The following TMEM245 variants were observed in gnomAD, a reference collection of about 807,000 sequenced individuals.
TMEM245 encodes protein CG-2.
TMEM245 carries 69 observed loss-of-function variants against 101.2 expected under a neutral mutation model. That is an observed-to-expected ratio of 0.68 (90% CI 0.56 to 0.83). The LOEUF (loss-of-function observed/expected upper bound fraction) is 0.83, where lower values mean the gene tolerates loss of function less well. Ranked by LOEUF, TMEM245 falls within the 40% of genes least tolerant of loss-of-function variation. The probability of loss-of-function intolerance (pLI) is 0.00; values close to 1 mark genes in which losing one functional copy is unlikely to be tolerated. For missense variants in TMEM245, 1,075 were observed against 1,092.8 expected, an observed-to-expected ratio of 0.98 and a Z score of 0.23; for synonymous variants, 537 against 449.8, an observed-to-expected ratio of 1.19 and a Z score of -2.45.
At chr9:109,035,926 A>C (rs1231193505) in intron 16 of TMEM245, 2 of 175,682 alleles carry the variant, frequency 1.1e-5, no homozygotes, top group Admixed American at 1.6e-4. Flanking sequence ...GTCTGAGTGA[A>C]AGAGATATTG....
chr9:109,045,678 C>T (rs542891669), intron 14 of TMEM245, among the ~76,000 whole-genome samples: 5 of 152,178 alleles, frequency 3.3e-5, no homozygotes, highest in Admixed American at 6.5e-5. Context: ...TAGCAGTTTT[C>T]GAAGCATCAC....
At position 109,119,728 on chromosome 9, in the gene TMEM245, G is replaced by C; in HGVS notation, c.186C>G (p.Phe62Leu). ...QAFYNTGAVLFVCLCCGAAVL... is the reference protein window; with the variant it reads ...QAFYNTGAVLLVCLCCGAAVL... ...CCGCGGCGCCGCAGCACAGGCACAC[G>C]AACAGCACGGCCCCGGTGTTGTAGA... is the stretch of plus-strand genomic sequence containing the variant. Residue 62 changes from phenylalanine to leucine, a missense_variant, in exon 1 of 18, where the codon TTC (phenylalanine) becomes TTG (leucine). Physicochemically the swap from Phe to Leu is conservative, Grantham distance 22 (BLOSUM62 0). Coordinates refer to ENST00000374586, the MANE Select transcript of TMEM245 (RefSeq NM_032012.4). 6.5e-7 allele frequency: 1 copy of C among 1,544,542 alleles called. No homozygotes were observed. The highest frequency in any genetic ancestry group is 1.4e-5 in the African/African-American group (1 of 71,224).
chr9:109,105,715 T>C (rs1350564616), intron 3 of TMEM245, among the ~76,000 whole-genome samples: 3 of 152,064 alleles, frequency 2.0e-5, no homozygotes, highest in Non-Finnish European at 1.5e-5. Flanking sequence ...TCTGAGGTAA[T>C]GAAAATGTCT....
chr9:109,064,609 T>G, intron 9 of TMEM245, 42 bp from the exon 10 acceptor site: 7 of 1,539,142 alleles, frequency 4.5e-6, no homozygotes, highest in Non-Finnish European at 6.3e-6. Flanking sequence ...GTACACTTTC[T>G]GTGTAGTGTA....
chr9:109,063,372 T>A (rs1259923696), intron 10 of TMEM245, among the ~76,000 whole-genome samples: 1 of 152,150 alleles, frequency 6.6e-6, no homozygotes, highest in African/African-American at 2.4e-5. Flanking sequence ...CCGCCTGCCT[T>A]GGCCTCCCAA....
chr9:109,055,477 C>T (rs574618018), intron 12 of TMEM245, among the ~76,000 whole-genome samples: 1 of 152,156 alleles, frequency 6.6e-6, no homozygotes, highest in East Asian at 1.9e-4. Flanking sequence ...GCAAAACAAA[C>T]TTTAAAGAAA....
intron 12 of TMEM245, 146 bp downstream of exon 12, chr9:109,057,045 T>A (rs575586940): frequency 8.2e-6 from 7 of 858,418 alleles, no homozygotes; most frequent in Admixed American, 2.9e-5. Context: ...TTGAACATCA[T>A]CCTAGTGCAT....
intron 3 of TMEM245, among the ~76,000 whole-genome samples, chr9:109,104,002 T>C (rs1388764830): frequency 6.6e-6 from 1 of 151,906 alleles, no homozygotes; most frequent in Non-Finnish European, 1.5e-5. Context: ...GAAGAATCAC[T>C]TGAACCCAGG....
At chr9:109,051,095 A>G (rs867745497) in intron 12 of TMEM245, among the ~76,000 whole-genome samples, 5 of 152,058 alleles carry the variant, frequency 3.3e-5, no homozygotes, top group African/African-American at 1.2e-4. Context: ...GTTCCAGACC[A>G]GCCTGACCAA....
intron 14 of TMEM245, among the ~76,000 whole-genome samples, chr9:109,048,585 T>C (rs190306693): frequency 1.4e-4 from 22 of 152,298 alleles, no homozygotes; most frequent in African/African-American, 5.3e-4. Context: ...GGAGCTCTAA[T>C]GGACAATAGG....
intron 1 of TMEM245, among the ~76,000 whole-genome samples, chr9:109,111,337 A>G (rs145410962): frequency 1.3e-5 from 2 of 152,278 alleles, no homozygotes; most frequent in Non-Finnish European, 2.9e-5. Flanking sequence ...AGTAAGTACT[A>G]CCCTTAGTAA....
chr9:109,029,810 C>CA (rs765130637), intron 17 of TMEM245, among the ~76,000 whole-genome samples: 78 of 152,264 alleles, frequency 5.1e-4, no homozygotes, highest in South Asian at 1.2e-3. Flanking sequence ...TTTAGAAGAC[C>CA]AACTATGCCT....
intron 3 of TMEM245, among the ~76,000 whole-genome samples, chr9:109,101,907 A>T (rs184681161): frequency 2.6e-5 from 4 of 152,332 alleles, no homozygotes; most frequent in Admixed American, 2.6e-4. Context: ...GATGACTAGA[A>T]TTTACACCGT....
intron 9 of TMEM245, among the ~76,000 whole-genome samples, chr9:109,070,521 C>T (rs1829300730): frequency 6.6e-6 from 1 of 152,202 alleles, no homozygotes; most frequent in Non-Finnish European, 1.5e-5. Flanking sequence ...AAACTGTCTA[C>T]AGTTCAGGGC....
chr9:109,119,808 T>C lies in TMEM245; in HGVS notation c.106A>G (p.Thr36Ala), dbSNP rs1298020750. ...AGCGCCAGCGCCGCGGTCCGCGGGG[T>C]CTCCCCGCCACCGCCACTCGGCCCG... ...AVGPSGGGGE[T>A]PRTAALALRF... Residue 36 changes from threonine (T) to alanine (A), a missense_variant, in exon 1 of 18, where the codon ACC becomes GCC. Around this residue, in one of 2 missense-constraint regions of TMEM245, gnomAD observed 808 missense variants for 741.5 expected, o/e 1.09. Coordinates refer to ENST00000374586, the MANE Select transcript of TMEM245 (RefSeq NM_032012.4). 3.4e-6 allele frequency: 5 copies of C among 1,449,752 alleles called. No homozygotes were observed. Among genetic ancestry groups the C allele is most frequent in the Non-Finnish European group, 3.6e-6 (4 of 1,103,778 alleles). The allele number at this position is 1,449,752 out of a possible 1,614,324, so 89.8% of individuals were successfully genotyped here. A position where few individuals can be genotyped will look rare whatever the true frequency, so the allele number is the denominator to read the frequency against.
intron 1 of TMEM245, among the ~76,000 whole-genome samples, chr9:109,109,601 T>G (rs1564212279): frequency 6.6e-6 from 1 of 152,150 alleles, no homozygotes; most frequent in Non-Finnish European, 1.5e-5. Flanking sequence ...TTAAAAATGT[T>G]TATAGCTTCT....
rs777882186 is a variant in TMEM245 at position 109,057,333 on chromosome 9, A to G, written c.1723-11T>C. 3 of 1,610,860 alleles carry G rather than the reference A, an allele frequency of 1.9e-6. No individual in the cohort carries two copies. The highest frequency in any genetic ancestry group is 2.2e-5 in the East Asian group (1 of 44,844). ...AGAGTGTGTTACATTCTATGGAATA[A>G]AACAGTGCAGACATGAAATTCCCAT... On this transcript the variant is annotated splice_polypyrimidine_tract_variant and intron_variant, in intron 11 of 17. Coordinates refer to ENST00000374586, the MANE Select transcript of TMEM245 (RefSeq NM_032012.4).
intron 9 of TMEM245, among the ~76,000 whole-genome samples, chr9:109,065,236 G>A (rs757617012): frequency 2.6e-5 from 4 of 152,156 alleles, no homozygotes; most frequent in Non-Finnish European, 5.9e-5. Context: ...CAACATCTGG[G>A]ACAGGGTTCT....
At position 109,019,220 on chromosome 9, in the gene TMEM245, A is replaced by G. The variant is rs1306778968; in HGVS notation, c.*1240T>C. ...TGGATAGCAACACCAATCTCGTAAC[A>G]CTGGGAAAACTGCATACAATATTTA... On this transcript the variant is annotated 3_prime_UTR_variant, in exon 18 of 18. Transcript: ENST00000374586. 1 of 152,186 alleles carries G rather than the reference A, an allele frequency of 6.6e-6. No individual in the cohort carries two copies. The highest frequency in any genetic ancestry group is 2.4e-5 in the African/African-American group (1 of 41,442). The allele number at this position is 152,186 out of a possible 1,614,324, so 9.4% of individuals were successfully genotyped here. A position where few individuals can be genotyped will look rare whatever the true frequency, so the allele number is the denominator to read the frequency against.
Sources: gnomAD v4.1 joint callset for allele counts (sites outside exome capture counted in the v4.1 genomes callset) on GRCh38, gnomAD v4.1.1 for gene constraint, gnomAD v4.1.1 regional missense constraint, MANE v1.5 for transcripts, NCBI Gene and HGNC (gene_info 2026-07-23, HGNC 2026-07-21) for gene names.